The following MYO5B variants were observed in gnomAD, a reference collection of about 807,000 sequenced individuals.
MYO5B encodes the protein unconventional myosin-Vb.
MYO5B carries 143 observed loss-of-function variants against 229.3 expected under a neutral mutation model. The ratio of observed to expected loss-of-function variants is 0.62; its 90% CI spans 0.54 to 0.72. The LOEUF (loss-of-function observed/expected upper bound fraction) is 0.72, where lower values mean the gene tolerates loss of function less well. Ranked by LOEUF, MYO5B falls within the 30% of genes least tolerant of loss-of-function variation. MYO5B has a pLI of 0.00. For synonymous variants in MYO5B, 918 were observed against 885.2 expected, an observed-to-expected ratio of 1.04 and a Z score of -0.66; for missense variants, 2,321 against 2,331.0, an observed-to-expected ratio of 1.00 and a Z score of 0.09.
At chr18:49,873,708 C>T (rs985522589) in intron 26 of MYO5B, among the ~76,000 whole-genome samples, 11 of 152,220 alleles carry the variant, frequency 7.2e-5, no homozygotes, top group African/African-American at 2.7e-4. Context: ...CCTACTCAGA[C>T]TCAAGGGGCT....
At chr18:50,014,812 A>T (rs905022912) in intron 4 of MYO5B, among the ~76,000 whole-genome samples, 1 of 152,108 alleles carries the variant, frequency 6.6e-6, no homozygotes, top group Non-Finnish European at 1.5e-5. Flanking sequence ...CCATTAGGCA[A>T]TTTTTTACCG....
chr18:50,138,589 C>A (rs1189071820), intron 1 of MYO5B, among the ~76,000 whole-genome samples: 2 of 150,768 alleles, frequency 1.3e-5, no homozygotes, highest in African/African-American at 4.9e-5. Flanking sequence ...GTGGAGCTTG[C>A]AGGAATCTCA....
chr18:49,960,818 C>A (rs1383163304), intron 12 of MYO5B, among the ~76,000 whole-genome samples: 1 of 152,206 alleles, frequency 6.6e-6, no homozygotes, highest in Non-Finnish European at 1.5e-5. Context: ...TTTCCACAAA[C>A]CTGTGTAGGA....
intron 4 of MYO5B, among the ~76,000 whole-genome samples, chr18:50,015,598 T>G (rs1598954659): frequency 6.6e-6 from 1 of 152,220 alleles, no homozygotes; most frequent in East Asian, 1.9e-4. Context: ...AAGTTAAATA[T>G]TCTGTTGGCG....
intron 4 of MYO5B, among the ~76,000 whole-genome samples, chr18:50,022,031 G>A (rs1013199892): frequency 2.6e-5 from 4 of 152,228 alleles, no homozygotes; most frequent in Middle Eastern, 3.4e-3. Context: ...GAAATTCTTA[G>A]ACATAACAGG....
At chr18:49,937,451 G>GT in intron 14 of MYO5B, 54 bp from the exon 15 acceptor site, 2 of 1,591,404 alleles carry the variant, frequency 1.3e-6, no homozygotes, top group Non-Finnish European at 1.7e-6. Context: ...CACCTTACAT[G>GT]TTTCCTCTCA....
chr18:49,973,417 G>A (rs1008876465), intron 10 of MYO5B, among the ~76,000 whole-genome samples: 1 of 152,202 alleles, frequency 6.6e-6, no homozygotes, highest in African/African-American at 2.4e-5. Context: ...AGCCTGCTAA[G>A]CAGTTGTTCG....
intron 17 of MYO5B, among the ~76,000 whole-genome samples, chr18:49,921,179 TG>T (rs2025070818): frequency 1.3e-5 from 2 of 151,306 alleles, no homozygotes. Context: ...GAGGAAGAAG[TG>T]GAAGTCTTTT....
chr18:49,935,451 G>A (rs897442772), intron 16 of MYO5B, among the ~76,000 whole-genome samples: 1 of 152,108 alleles, frequency 6.6e-6, no homozygotes, highest in Non-Finnish European at 1.5e-5. Context: ...TCTAGTATGG[G>A]AGATCAGGTC....
chr18:49,988,547 AT>A (rs1338645596), intron 7 of MYO5B, among the ~76,000 whole-genome samples: 1 of 152,158 alleles, frequency 6.6e-6, no homozygotes, highest in East Asian at 1.9e-4. Context: ...ATTTAGGAGG[AT>A]TTCTTCCCCA....
In MYO5B at chr18:50,010,398, G is replaced by A. The variant is rs79804374; in HGVS notation, c.456-8987C>T. Among the ~76,000 whole-genome samples the A allele has an allele frequency of 3.8e-3, 581 of 152,296 alleles. 2 individuals carry two copies. The highest frequency in any genetic ancestry group is 0.013 in the African/African-American group (549 of 41,556). On this transcript the variant is annotated intron_variant, in intron 4 of 39. Coordinates refer to ENST00000285039, the MANE Select transcript of MYO5B (RefSeq NM_001080467.3). ...GGAGTGCCACCCAGCCCACCCCATC[G>A]TGGGCAGACAGGCCAGACAGAGGGA...
intron 7 of MYO5B, among the ~76,000 whole-genome samples, chr18:49,989,908 T>C (rs2025910865): frequency 6.6e-6 from 1 of 152,180 alleles, no homozygotes; most frequent in Non-Finnish European, 1.5e-5. Context: ...TCAGATGGCC[T>C]GGCAGTCCAG....
intron 4 of MYO5B, among the ~76,000 whole-genome samples, chr18:50,004,250 C>A (rs2026077658): frequency 6.6e-6 from 1 of 152,152 alleles, no homozygotes; most frequent in African/African-American, 2.4e-5. Flanking sequence ...GGAATCAAGG[C>A]AACGGAACAG....
At chr18:50,173,756 G>A (rs866530818) in intron 1 of MYO5B, among the ~76,000 whole-genome samples, 9 of 152,228 alleles carry the variant, frequency 5.9e-5, no homozygotes, top group East Asian at 1.9e-4. Context: ...GGGAGAAACA[G>A]GAATAGCAAC....
chr18:49,852,616 C>T (rs920351623), intron 31 of MYO5B, among the ~76,000 whole-genome samples: 1 of 152,132 alleles, frequency 6.6e-6, no homozygotes, highest in Non-Finnish European at 1.5e-5. Context: ...GAACGTGCTG[C>T]ACTCTACAGG....
At chr18:49,917,418 C>T (rs1056979415) in intron 17 of MYO5B, among the ~76,000 whole-genome samples, 11 of 152,156 alleles carry the variant, frequency 7.2e-5, no homozygotes, top group Non-Finnish European at 8.8e-5. Context: ...TCATTATCCC[C>T]GACCCCATTC....
intron 1 of MYO5B, among the ~76,000 whole-genome samples, chr18:50,056,110 T>C (rs181324178): frequency 2.3e-4 from 35 of 152,218 alleles, no homozygotes; most frequent in African/African-American, 8.4e-4. Flanking sequence ...ACCCAAAACT[T>C]TCACTCACCT....
chr18:50,009,356 C>G (rs1359736842), intron 4 of MYO5B, among the ~76,000 whole-genome samples: 1 of 152,032 alleles, frequency 6.6e-6, no homozygotes, highest in Non-Finnish European at 1.5e-5. Context: ...CCAGCCTGGG[C>G]AATAGAGCAA....
At chr18:50,102,830 A>G (rs11875844) in intron 1 of MYO5B, among the ~76,000 whole-genome samples, 9,278 of 152,054 alleles carry the variant, frequency 0.061, 910 homozygotes, top group African/African-American at 0.21. Context: ...GTACCAGCCC[A>G]AAGTTTCTCA....
Sources: gnomAD v4.1 joint callset for allele counts (sites outside exome capture counted in the v4.1 genomes callset) on GRCh38, gnomAD v4.1.1 for gene constraint, MANE v1.5 for transcripts, NCBI Gene and HGNC (gene_info 2026-07-23, HGNC 2026-07-21) for gene names.